The following INSL6 variants were observed in gnomAD, a reference collection of about 807,000 sequenced individuals.
INSL6 encodes the protein insulin like 6.
In INSL6, 16 loss-of-function variants were observed where a neutral mutation model predicts 9.4. The ratio of observed to expected loss-of-function variants is 1.70; its 90% CI spans 1.15 to 2.59. The LOEUF (loss-of-function observed/expected upper bound fraction) is 2.59, where lower values mean the gene tolerates loss of function less well. INSL6 is among the 30% of genes most tolerant of loss of function. The pLI is 0.00. For missense variants in INSL6, 391 were observed against 257.3 expected, an observed-to-expected ratio of 1.52 and a Z score of -3.56; for synonymous variants, 154 against 96.9, an observed-to-expected ratio of 1.59 and a Z score of -3.46.
the INSL6 span, among the ~76,000 whole-genome samples, chr9:4,996,716 C>T: frequency 2.0e-5 from 3 of 151,758 alleles, no homozygotes; most frequent in Non-Finnish European, 4.4e-5. Context: ...CCCTCCCTGC[C>T]ACAGACTTTT....
At chr9:5,152,392 T>C (rs1047328088) in intron 2 of INSL6, among the ~76,000 whole-genome samples, 6 of 152,134 alleles carry the variant, frequency 3.9e-5, no homozygotes, top group Admixed American at 6.6e-5. Context: ...TAGAAATTAA[T>C]ATAAGAAAGA....
the INSL6 span, among the ~76,000 whole-genome samples, chr9:5,075,234 C>T: frequency 6.6e-6 from 1 of 152,176 alleles, no homozygotes; most frequent in African/African-American, 2.4e-5. Flanking sequence ...GAAGCTACAG[C>T]AAGTTATCCA....
At chr9:5,126,622 T>C (rs1303102017) in intron 3 of INSL6, 1 of 1,192,886 alleles carries the variant, frequency 8.4e-7, no homozygotes, top group Middle Eastern at 2.0e-4. Flanking sequence ...ATTAATGTCT[T>C]CCACCAATTA....
At chr9:5,023,379 A>G in the INSL6 span, among the ~76,000 whole-genome samples, 1 of 151,852 alleles carries the variant, frequency 6.6e-6, no homozygotes, top group Admixed American at 6.6e-5. Flanking sequence ...GGGAGTACGC[A>G]TTCTGTTGTG....
intron 2 of INSL6, among the ~76,000 whole-genome samples, chr9:5,137,295 A>C (rs1026623928): frequency 6.6e-6 from 1 of 152,178 alleles, no homozygotes; most frequent in African/African-American, 2.4e-5. Flanking sequence ...AACCAAAAAA[A>C]AGAGCCTGCA....
chr9:5,143,823 C>A (rs1328511980), intron 2 of INSL6, among the ~76,000 whole-genome samples: 1 of 151,758 alleles, frequency 6.6e-6, no homozygotes, highest in Non-Finnish European at 1.5e-5. Context: ...CCACACCCTG[C>A]TAATTTTTGT....
chr9:5,047,907 T>G, the INSL6 span, among the ~76,000 whole-genome samples: 1 of 151,980 alleles, frequency 6.6e-6, no homozygotes, highest in Non-Finnish European at 1.5e-5. Context: ...GGCCTGAAAT[T>G]TTTCAGTAGT....
chr9:5,065,339 A>C, the INSL6 span, among the ~76,000 whole-genome samples: 23 of 152,336 alleles, frequency 1.5e-4, no homozygotes, highest in African/African-American at 5.3e-4. Context: ...TTTATGTTTT[A>C]TTAATTTTAA....
At chr9:5,082,579 C>A in the INSL6 span, among the ~76,000 whole-genome samples, 2 of 152,364 alleles carry the variant, frequency 1.3e-5, no homozygotes, top group Non-Finnish European at 1.5e-5. Context: ...CCAGCACAGA[C>A]CCTTCACGGA....
intron 2 of INSL6, among the ~76,000 whole-genome samples, chr9:5,134,699 G>C (rs1011844057): frequency 6.6e-6 from 1 of 152,134 alleles, no homozygotes; most frequent in Admixed American, 6.5e-5. Context: ...CACTAAACAT[G>C]GAAGGAACAA....
At chr9:5,090,001 G>GTGTT in the INSL6 span, 2 of 484,796 alleles carry the variant, frequency 4.1e-6, no homozygotes, top group East Asian at 7.0e-5. Context: ...ACTAGAGATT[G>GTGTT]TGTTTGGTGA....
At chr9:5,112,696 G>A in the INSL6 span, 3 of 897,104 alleles carry the variant, frequency 3.3e-6, no homozygotes, top group East Asian at 3.0e-5. Flanking sequence ...TGAATTTGGA[G>A]CAGCAAGTGC....
chr9:5,093,887 G>T, the INSL6 span, among the ~76,000 whole-genome samples: 1 of 152,048 alleles, frequency 6.6e-6, no homozygotes, highest in Non-Finnish European at 1.5e-5. Flanking sequence ...AGTAATCCAG[G>T]TTGGTTTCTA....
intron 2 of INSL6, among the ~76,000 whole-genome samples, chr9:5,143,952 A>G (rs996377685): frequency 2.0e-5 from 3 of 152,046 alleles, no homozygotes; most frequent in Non-Finnish European, 4.4e-5. Flanking sequence ...AAGCCACTGC[A>G]CTGGCCAATT....
chr9:5,089,664 TGTCATTTAGG>T, the INSL6 span: 5 of 1,316,538 alleles, frequency 3.8e-6, no homozygotes, highest in Non-Finnish European at 4.9e-6. Flanking sequence ...TAATGTGATG[TGTCATTTAGG>T]GTAATTTTGG....
the INSL6 span, among the ~76,000 whole-genome samples, chr9:5,025,506 C>A: frequency 6.8e-6 from 1 of 147,616 alleles, no homozygotes; most frequent in Non-Finnish European, 1.5e-5. Flanking sequence ...TTCTTTTCTT[C>A]TTCTTTTGTT....
the INSL6 span, among the ~76,000 whole-genome samples, chr9:4,998,063 T>C: frequency 2.0e-5 from 3 of 152,218 alleles, no homozygotes; most frequent in African/African-American, 7.2e-5. Flanking sequence ...AACTTCTAGA[T>C]TTTTTTGAAT....
intron 2 of INSL6, among the ~76,000 whole-genome samples, chr9:5,150,264 T>A (rs1442567874): frequency 6.6e-6 from 1 of 151,882 alleles, no homozygotes; most frequent in African/African-American, 2.4e-5. Context: ...AGTTATAAAC[T>A]AGAAAGCCTC....
the INSL6 span, among the ~76,000 whole-genome samples, chr9:5,096,376 G>A: frequency 5.3e-5 from 8 of 152,090 alleles, no homozygotes; most frequent in African/African-American, 9.7e-5. Flanking sequence ...TCAGTTGAAC[G>A]CAAATCAACC....
Sources: gnomAD v4.1 joint callset for allele counts (sites outside exome capture counted in the v4.1 genomes callset) on GRCh38, gnomAD v4.1.1 for gene constraint, MANE v1.5 for transcripts, NCBI Gene and HGNC (gene_info 2026-07-23, HGNC 2026-07-21) for gene names.